NEK11: variants seen among roughly 807,000 people sequenced by gnomAD.
The protein encoded by NEK11 is NIMA related kinase 11.
NEK11 carries 72 observed loss-of-function variants against 80.7 expected under a neutral mutation model. The observed-to-expected ratio is 0.89, with a 90% confidence interval of 0.74 to 1.08. NEK11 has a LOEUF of 1.08. Ranked by LOEUF, NEK11 falls within the 50% of genes least tolerant of loss-of-function variation. The pLI is 0.00. For synonymous variants in NEK11, 251 were observed against 260.7 expected, an observed-to-expected ratio of 0.96 and a Z score of 0.36; for missense variants, 764 against 763.6, an observed-to-expected ratio of 1.00 and a Z score of -0.01.
intron 16 of NEK11, among the ~76,000 whole-genome samples, chr3:131,256,878 GCA>G (rs1163502583): frequency 1.3e-5 from 2 of 152,100 alleles, no homozygotes; most frequent in Non-Finnish European, 2.9e-5. Context: ...TAGATACTGG[GCA>G]CAGTTTTTAG....
intron 10 of NEK11, among the ~76,000 whole-genome samples, chr3:131,158,313 A>G (rs2091035074): frequency 6.6e-6 from 1 of 152,096 alleles, no homozygotes; most frequent in African/African-American, 2.4e-5. Context: ...CTTTTCTGGC[A>G]TCTATATACA....
At chr3:131,264,227 A>G (rs1316426945) in intron 16 of NEK11, among the ~76,000 whole-genome samples, 3 of 152,056 alleles carry the variant, frequency 2.0e-5, no homozygotes, top group East Asian at 1.9e-4. Context: ...ATTAGATCCC[A>G]TTTGTCAATT....
rs759207827 is a variant in NEK11 at position 131,168,877 on chromosome 3, G to T, written c.1224G>T (p.Glu408Asp). 4.3e-6 allele frequency: 7 copies of T among 1,614,054 alleles called. No homozygotes were observed. The Admixed American group carries it at 1.2e-4, about 27-fold the overall frequency. The change falls in exon 13 of 18, where the codon GAG (glutamate) becomes GAT (aspartate). Residue 408 changes from glutamate to aspartate, a missense_variant. Glu to Asp is a conservative substitution (Grantham distance 45). Coordinates refer to ENST00000383366, the MANE Select transcript of NEK11 (RefSeq NM_024800.5). ...TGGAAGAAAAGGAGGAGCAACCTGA[G>T]GGAAGACTTTCTTGTTCACCCCAGG... ...KGMEEKEEQP[E>D]GRLSCSPQDE...
At chr3:131,305,013 T>G (rs112519874) in intron 17 of NEK11, among the ~76,000 whole-genome samples, 2,524 of 151,712 alleles carry the variant, frequency 0.017, 70 homozygotes, top group African/African-American at 0.058. Context: ...CATTTGTGTG[T>G]GTGCTTGTGC....
At chr3:131,279,689 A>G (rs137977992) in intron 17 of NEK11, among the ~76,000 whole-genome samples, 76 of 152,320 alleles carry the variant, frequency 5.0e-4, no homozygotes, top group African/African-American at 1.6e-3. Flanking sequence ...ATATTAGTGA[A>G]ATCATCACTT....
intron 5 of NEK11, among the ~76,000 whole-genome samples, chr3:131,115,907 T>TTTCTTTC (rs1306771257): frequency 3.6e-5 from 1 of 27,996 alleles, no homozygotes; most frequent in African/African-American, 1.6e-4. Flanking sequence ...TAGTGTTTTC[T>TTTCTTTC]TTCTTTCTTT....
intron 17 of NEK11, among the ~76,000 whole-genome samples, chr3:131,333,457 C>G (rs2097129009): frequency 1.3e-5 from 2 of 151,978 alleles, no homozygotes; most frequent in Non-Finnish European, 2.9e-5. Flanking sequence ...TAAAAGAGCT[C>G]CTGAAGGAAG....
intron 7 of NEK11, among the ~76,000 whole-genome samples, chr3:131,137,149 T>G (rs569735186): frequency 5.5e-4 from 84 of 152,088 alleles, no homozygotes; most frequent in African/African-American, 1.7e-3. Context: ...TGGAGGTTGG[T>G]TGGGTGGGGG....
At chr3:131,170,940 G>T (rs745840509) in intron 14 of NEK11, 53 bp downstream of exon 14, 1 of 1,360,772 alleles carries the variant, frequency 7.3e-7, no homozygotes, top group East Asian at 2.3e-5. Flanking sequence ...TGCACAGGTT[G>T]CTGTGGCCGA....
intron 4 of NEK11, among the ~76,000 whole-genome samples, chr3:131,094,653 T>A (rs992121992): frequency 6.6e-6 from 1 of 152,196 alleles, no homozygotes; most frequent in Non-Finnish European, 1.5e-5. Context: ...TTAGCTACTG[T>A]TATATCAGCA....
At chr3:131,249,788 C>A (rs911189758) in intron 16 of NEK11, among the ~76,000 whole-genome samples, 5 of 152,082 alleles carry the variant, frequency 3.3e-5, no homozygotes, top group Non-Finnish European at 7.4e-5. Flanking sequence ...TGAGCGCTAC[C>A]AGTTGACAAT....
chr3:131,267,947 A>G (rs1015245733), intron 16 of NEK11, among the ~76,000 whole-genome samples: 1 of 151,632 alleles, frequency 6.6e-6, no homozygotes, highest in Admixed American at 6.6e-5. Context: ...ATAGTCCCAT[A>G]TTTCTTGGAG....
chr3:131,080,316 G>T, intron 3 of NEK11, 107 bp from the exon 4 acceptor site: 1 of 772,632 alleles, frequency 1.3e-6, no homozygotes. Flanking sequence ...CCAGATATAT[G>T]AGTAGGTCAC....
intron 17 of NEK11, among the ~76,000 whole-genome samples, chr3:131,283,599 G>C (rs2096431506): frequency 6.6e-6 from 1 of 151,792 alleles, no homozygotes; most frequent in Admixed American, 6.6e-5. Context: ...AGTGCTTTAT[G>C]AACAAAGCTC....
At chr3:131,210,242 C>T (rs1278320355) in intron 14 of NEK11, among the ~76,000 whole-genome samples, 1 of 150,818 alleles carries the variant, frequency 6.6e-6, no homozygotes, top group Non-Finnish European at 1.5e-5. Context: ...TTGTTATTTA[C>T]CCAGGAGCAG....
rs1216598048 is a variant in NEK11 at position 131,203,765 on chromosome 3, GTGTATATATATATATATATATATATATA to G, written c.1400-24761_1400-24734del. On this transcript the variant is annotated intron_variant, in intron 14 of 17. Coordinates refer to ENST00000383366, the MANE Select transcript of NEK11 (RefSeq NM_024800.5). ...TATATATATGTGTGTGTGTGTGTGT[GTGTATATATATATATATATATATATATA>G]TATATATATATATATATATATATAT... Among the ~76,000 whole-genome samples, 473 of 104,294 alleles carry G rather than the reference GTGTATATATATATATATATATATATATA, an allele frequency of 4.5e-3. 8 individuals carry two copies. The highest frequency in any genetic ancestry group is 0.017 in the African/African-American group (408 of 23,928). The allele number at this position is 104,294 out of a possible 152,430, so 68.4% of individuals were successfully genotyped here. A position where few individuals can be genotyped will look rare whatever the true frequency, so the allele number is the denominator to read the frequency against.
chr3:131,179,469 G>A (rs894830875), intron 14 of NEK11, among the ~76,000 whole-genome samples: 1 of 152,186 alleles, frequency 6.6e-6, no homozygotes, highest in Non-Finnish European at 1.5e-5. Flanking sequence ...CTGTATGCAT[G>A]TGAGGAGTTT....
At chr3:131,213,423 A>G (rs942848787) in intron 14 of NEK11, among the ~76,000 whole-genome samples, 1 of 152,194 alleles carries the variant, frequency 6.6e-6, no homozygotes, top group Non-Finnish European at 1.5e-5. Flanking sequence ...AGAAACTCTC[A>G]TTTGGCTTAC....
chr3:131,221,233 A>G (rs775669221), intron 14 of NEK11, among the ~76,000 whole-genome samples: 9 of 152,126 alleles, frequency 5.9e-5, no homozygotes, highest in Non-Finnish European at 7.3e-5. Context: ...CCTGGAGCTT[A>G]CCATCTACCT....
Sources: allele counts gnomAD v4.1 joint callset (sites outside exome capture counted in the v4.1 genomes callset), GRCh38; gene constraint gnomAD v4.1.1; transcripts MANE v1.5; gene names NCBI Gene and HGNC (gene_info 2026-07-23, HGNC 2026-07-21).